The following ANXA8L1 variants were observed in gnomAD, a reference collection of about 807,000 sequenced individuals.
ANXA8L1 encodes annexin A8 like 1.
A neutral mutation model predicts 22.5 loss-of-function variants in ANXA8L1; 10 were observed. The observed-to-expected ratio is 0.44, with a 90% confidence interval of 0.27 to 0.75. The LOEUF (loss-of-function observed/expected upper bound fraction) is 0.75. Ranked by LOEUF, ANXA8L1 falls within the 30% of genes least tolerant of loss-of-function variation. ANXA8L1 has a pLI of 0.15. For missense variants in ANXA8L1, 88 were observed against 219.6 expected, an observed-to-expected ratio of 0.40 and a Z score of 3.79; for synonymous variants, 36 against 86.0, an observed-to-expected ratio of 0.42 and a Z score of 3.22.
intron 7 of ANXA8L1, 40 bp downstream of exon 7, chr10:46,384,873 GC>G (rs1840017653): frequency 6.2e-7 from 1 of 1,611,452 alleles, no homozygotes. Flanking sequence ...CCCACCCCCT[GC>G]CATCTGGACT....
At chr10:46,375,911 G>A in intron 1 of ANXA8L1, 39 bp downstream of exon 1, 1 of 1,269,536 alleles carries the variant, frequency 7.9e-7, no homozygotes, top group Non-Finnish European at 1.1e-6. Context: ...TTCCTGCATG[G>A]TGTTGGGTGC....
At chr10:46,390,239 C>T (rs1840064562) in intron 11 of ANXA8L1, among the ~76,000 whole-genome samples, 2 of 150,518 alleles carry the variant, frequency 1.3e-5, no homozygotes. Context: ...CAAGGTCAGT[C>T]TCATCAGGAG....
At chr10:46,375,951 A>G in intron 1 of ANXA8L1, 79 bp downstream of exon 1, 1 of 1,276,924 alleles carries the variant, frequency 7.8e-7, no homozygotes, top group Non-Finnish European at 1.1e-6. Context: ...AGAAATGTAA[A>G]GTCGCCCTTG....
chr10:46,390,926 C>G lies in ANXA8L1; in HGVS notation c.980C>G (p.Pro327Arg). Residue 327 changes from proline to arginine, a missense_variant, in exon 12 of 12, where the codon CCC becomes CGC. By Grantham distance (103) the Pro-to-Arg change is moderately radical. Coordinates refer to ENST00000619162, the MANE Select transcript of ANXA8L1 (RefSeq NM_001098845.3). ...CTGCTGAGCCTGGTGGGCAGCGACCCCTGAGGCACAGAAGAACAAGAGCAA... is the reference window on the plus strand; with the variant it reads ...CTGCTGAGCCTGGTGGGCAGCGACCGCTGAGGCACAGAAGAACAAGAGCAA... Reference protein sequence around the residue: ...NALLSLVGSDP With the variant: ...NALLSLVGSDR 1 of 1,407,510 alleles carries G rather than the reference C, an allele frequency of 7.1e-7. No individual in the cohort carries two copies. Among genetic ancestry groups the G allele is most frequent in the South Asian group, 1.2e-5 (1 of 82,900 alleles). 87.2% of individuals were successfully genotyped at this position (1,407,510 alleles called of 1,614,324 possible).
intron 1 of ANXA8L1, among the ~76,000 whole-genome samples, chr10:46,376,350 T>TG (rs1839929121): frequency 6.9e-6 from 1 of 145,644 alleles, no homozygotes; most frequent in Non-Finnish European, 1.5e-5. Context: ...TCAAGGGTCC[T>TG]GGTACCGGAG....
intron 9 of ANXA8L1, 122 bp downstream of exon 9, chr10:46,385,929 GT>G: frequency 1.3e-5 from 2 of 158,340 alleles, no homozygotes; most frequent in Non-Finnish European, 2.4e-5. Flanking sequence ...TTCACGGGAT[GT>G]CCCCCCGACT....
In ANXA8L1 at chr10:46,384,600, C is replaced by A. The variant is rs1358463419; in HGVS notation, c.493-174C>A. On this transcript the variant is annotated intron_variant, in intron 6 of 11. Transcript: ENST00000619162. ...AAGCCTTATGAGGCAGTCCTTACCACCCCCGTTGTACAAATGAGGAAACCA... is the reference window on the plus strand; with the variant it reads ...AAGCCTTATGAGGCAGTCCTTACCAACCCCGTTGTACAAATGAGGAAACCA... 3.3e-5 allele frequency among the ~76,000 whole-genome samples: 4 copies of A among 121,626 alleles called. No homozygotes were observed. In the East Asian group the frequency reaches 5.9e-4, roughly 18 times the overall value. The allele number at this position is 121,626 out of a possible 152,430, so 79.8% of individuals were successfully genotyped here. A position where few individuals can be genotyped will look rare whatever the true frequency, so the allele number is the denominator to read the frequency against.
rs1839921390 is a variant in ANXA8L1 at position 46,375,861 on chromosome 10, T to C, written c.10T>C (p.Trp4Arg). Residue 4 changes from tryptophan (W) to arginine (R), a missense_variant, in exon 1 of 12, where the codon TGG (tryptophan) becomes CGG (arginine). Coordinates refer to ENST00000619162, the MANE Select transcript of ANXA8L1 (RefSeq NM_001098845.3). ...CCCCGAAGTGAAAGAGATGGCCTGG[T>C]GGAAAGCCTGGGTAAGTGGGAGCTG... Reference protein sequence around the residue: MAWWKAWIEQEGVT... With the variant: MAWRKAWIEQEGVT... The C allele has an allele frequency of 6.3e-7, 1 of 1,591,294 alleles. No homozygotes were observed. The highest frequency in any genetic ancestry group is 1.4e-5 in the African/African-American group (1 of 70,492).
At position 46,383,565 on chromosome 10, in the gene ANXA8L1, G is replaced by T; in HGVS notation, c.412+19G>T. On this transcript the variant is annotated intron_variant, in intron 5 of 11. Coordinates refer to ENST00000619162, the MANE Select transcript of ANXA8L1 (RefSeq NM_001098845.3). The stretch of plus-strand genomic sequence containing the variant: ...GAGGAAGGTAAGGGGTGGCACAGAT[G>T]GAGGGGCTCAGGAGTGGCCACAAGC... The T allele has an allele frequency of 1.6e-6, 1 of 628,352 alleles. No individual in the cohort carries two copies. The highest frequency in any genetic ancestry group is 3.4e-5 in the Admixed American group (1 of 29,550). The allele number at this position is 628,352 out of a possible 1,614,324, so 38.9% of individuals were successfully genotyped here. A position where few individuals can be genotyped will look rare whatever the true frequency, so the allele number is the denominator to read the frequency against.
chr10:46,381,256 G>A lies in ANXA8L1; in HGVS notation c.207+16G>A. On this transcript the variant is annotated intron_variant, in intron 3 of 11. Transcript: ENST00000619162. ...GTTCGGCAAGGCAAGGGGAAGGCTG[G>A]TGGGGGTGGGGATAGGTGAGCCTTG... 2.2e-6 allele frequency: 1 copy of A among 455,530 alleles called. No individual in the cohort carries two copies. Among genetic ancestry groups the A allele is most frequent in the Non-Finnish European group, 3.9e-6 (1 of 256,788 alleles). The allele number at this position is 455,530 out of a possible 1,614,324, so 28.2% of individuals were successfully genotyped here. A position where few individuals can be genotyped will look rare whatever the true frequency, so the allele number is the denominator to read the frequency against.
chr10:46,385,323 C>T, intron 7 of ANXA8L1, 57 bp from the exon 8 acceptor site: 9 of 636,942 alleles, frequency 1.4e-5, no homozygotes, highest in Non-Finnish European at 2.0e-5. Flanking sequence ...CTCTGGGGCT[C>T]AGTCCCTCAC....
rs782517105 is a variant in ANXA8L1, at chr10:46,390,886, G to A, written c.940G>A (p.Asp314Asn). The A allele has an allele frequency of 8.0e-6, 11 of 1,374,132 alleles. 1 individual carries two copies. Among genetic ancestry groups the A allele is most frequent in the African/African-American group, 7.1e-5 (4 of 56,012 alleles). 85.1% of individuals were successfully genotyped at this position (1,374,132 alleles called of 1,614,324 possible). Reference sequence around the variant, plus strand: ...CTACCCACAGGAAGACACCAGCGGCGACTACAAGAACGCCCTGCTGAGCCT... The same window carrying A: ...CTACCCACAGGAAGACACCAGCGGCAACTACAAGAACGCCCTGCTGAGCCT... Reference protein sequence around the residue: ...SSMIMEDTSGDYKNALLSLVG... With the variant: ...SSMIMEDTSGNYKNALLSLVG... Residue 314 changes from aspartate (D) to asparagine (N), a missense_variant, in exon 12 of 12, where the codon GAC becomes AAC. By Grantham distance (23) the Asp-to-Asn change is conservative. Coordinates refer to ENST00000619162, the MANE Select transcript of ANXA8L1 (RefSeq NM_001098845.3).
chr10:46,384,922 G>A (rs1181248202), intron 7 of ANXA8L1, 89 bp downstream of exon 7: 5 of 1,592,460 alleles, frequency 3.1e-6, no homozygotes, highest in Non-Finnish European at 3.4e-6. Flanking sequence ...TCTGACACTG[G>A]GCTGGGACCC....
At chr10:46,384,661 C>G in intron 6 of ANXA8L1, 113 bp from the exon 7 acceptor site, 1 of 1,592,888 alleles carries the variant, frequency 6.3e-7, no homozygotes. Context: ...TCGAAGTTTC[C>G]ACAGCCAAAG....
Position 46,375,798 on chromosome 10 carries a change from G to A in ANXA8L1, c.-54G>A. On this transcript the variant is annotated 5_prime_UTR_variant, in exon 1 of 12. Transcript: ENST00000619162. ...GCCAGACGTGTGGAGTCCCAGCAGA[G>A]GCCAACCTGTGTCTCTTCATCTCCG... 1 of 1,608,920 alleles carries A rather than the reference G, an allele frequency of 6.2e-7. No individual in the cohort carries two copies. The highest frequency in any genetic ancestry group is 1.7e-5 in the Admixed American group (1 of 59,620).
In ANXA8L1 at chr10:46,390,954, AC is replaced by A. The variant is rs1840078034; in HGVS notation, c.*26del. 2.3e-6 allele frequency: 3 copies of A among 1,328,888 alleles called. 1 individual carries two copies. Among genetic ancestry groups the A allele is most frequent in the Non-Finnish European group, 3.1e-6 (3 of 967,418 alleles). The allele number at this position is 1,328,888 out of a possible 1,614,324, so 82.3% of individuals were successfully genotyped here. A position where few individuals can be genotyped will look rare whatever the true frequency, so the allele number is the denominator to read the frequency against. On this transcript the variant is annotated 3_prime_UTR_variant, in exon 12 of 12. Coordinates refer to ENST00000619162, the MANE Select transcript of ANXA8L1 (RefSeq NM_001098845.3). ...GAGGCACAGAAGAACAAGAGCAAAG[AC>A]CATGAAGCCAGAGTCTCCAGGACTC...
chr10:46,382,755 CG>C, intron 4 of ANXA8L1, 63 bp downstream of exon 4: 2 of 914,444 alleles, frequency 2.2e-6, no homozygotes, highest in South Asian at 1.5e-5. Context: ...AGGGGCAATG[CG>C]GGGACCGGGA....
rs1410803111 is a variant in ANXA8L1 at position 46,385,059 on chromosome 10, G to A, written c.552+226G>A. Among the ~76,000 whole-genome samples, 4 of 113,072 alleles carry A rather than the reference G, an allele frequency of 3.5e-5. No individual in the cohort carries two copies. In the East Asian group the frequency reaches 8.4e-4, roughly 24 times the overall value. The allele number at this position is 113,072 out of a possible 152,430, so 74.2% of individuals were successfully genotyped here. A position where few individuals can be genotyped will look rare whatever the true frequency, so the allele number is the denominator to read the frequency against. On this transcript the variant is annotated intron_variant, in intron 7 of 11. Coordinates refer to ENST00000619162, the MANE Select transcript of ANXA8L1 (RefSeq NM_001098845.3). ...GAGCACTAAAGCTCTGTCCTGGCAG[G>A]AACAGCCCATGAACCCGGGGGCGCT...
chr10:46,390,036 T>C (rs1554975340), intron 11 of ANXA8L1, among the ~76,000 whole-genome samples: 1 of 150,696 alleles, frequency 6.6e-6, no homozygotes, highest in East Asian at 1.9e-4. Context: ...AGCCCCAGTC[T>C]ACCCCTTACT....
Sources: allele counts gnomAD v4.1 joint callset (sites outside exome capture counted in the v4.1 genomes callset), GRCh38; gene constraint gnomAD v4.1.1; transcripts MANE v1.5; gene names NCBI Gene and HGNC (gene_info 2026-07-23, HGNC 2026-07-21).